The following DEK variants were observed in gnomAD, a reference collection of about 807,000 sequenced individuals.
DEK encodes protein DEK.
Under a neutral mutation model 46.8 loss-of-function variants are expected in DEK, and 28 were observed. That is an observed-to-expected ratio of 0.60 (90% confidence interval 0.44 to 0.82). The LOEUF is 0.82. DEK is among the 40% of genes least tolerant of loss of function. The probability of loss-of-function intolerance (pLI) is 0.00; values close to 1 mark genes in which losing one functional copy is unlikely to be tolerated. For missense variants in DEK, 416 were observed against 430.6 expected, an observed-to-expected ratio of 0.97 and a Z score of 0.30; for synonymous variants, 160 against 144.5, an observed-to-expected ratio of 1.11 and a Z score of -0.77.
chr6:18,253,641 T>C (rs545741879), intron 6 of DEK, among the ~76,000 whole-genome samples: 52 of 152,222 alleles, frequency 3.4e-4, no homozygotes, highest in Non-Finnish European at 7.1e-4. Context: ...TGGTATTGTA[T>C]GGTATCAAAA....
intron 6 of DEK, among the ~76,000 whole-genome samples, chr6:18,251,757 T>G (rs1428580858): frequency 6.6e-6 from 1 of 152,184 alleles, no homozygotes; most frequent in African/African-American, 2.4e-5. Context: ...AGGTCTCAAA[T>G]GTATTAGAAA....
At position 18,249,838 on chromosome 6, in the gene DEK, G is replaced by A. The variant is rs753552037; in HGVS notation, c.575C>T (p.Pro192Leu). The change falls in exon 7 of 11, where the codon CCA becomes CTA. Residue 192 changes from proline to leucine, a missense_variant and splice_region_variant. Transcript: ENST00000652689. ...FLMHPKPSGK[P>L]LPKSKKTCSK... ...ACAAGTTTTTTTAGATTTCGGCAAT[G>A]GCTGCATAAAAATTTATAAAGATAA... 11 of 1,588,584 alleles carry A rather than the reference G, an allele frequency of 6.9e-6. No individual in the cohort carries two copies. The South Asian group carries it at 1.3e-4, about 19-fold the overall frequency.
chr6:18,226,076 ATTTAGTGACATGAATATTT>A, intron 10 of DEK, 79 bp downstream of exon 10: 1 of 987,418 alleles, frequency 1.0e-6, no homozygotes. Flanking sequence ...CAAATGTGAT[ATTTAGTGACATGAATATTT>A]TGAAAAATAT....
Position 18,233,791 on chromosome 6 carries a change from T to C in DEK, c.1047+2661A>G, listed in dbSNP as rs1356376031. 5.9e-5 allele frequency among the ~76,000 whole-genome samples: 9 copies of C among 152,162 alleles called. No homozygotes were observed. The East Asian group carries it at 1.7e-3, about 29-fold the overall frequency. On this transcript the variant is annotated intron_variant, in intron 9 of 10. Transcript: ENST00000652689. ...ACCATTGTGGAAGACAGTGTGGCGA[T>C]TCCTCAAGGATCTAGAACCAGAAAT...
intron 9 of DEK, among the ~76,000 whole-genome samples, chr6:18,231,760 T>A (rs1354551390): frequency 6.6e-6 from 1 of 152,154 alleles, no homozygotes; most frequent in Non-Finnish European, 1.5e-5. Flanking sequence ...ACCAGATGGA[T>A]TCACAGCTGA....
rs563749008 is a variant in DEK, at chr6:18,226,675, G to A, written c.1048-433C>T. ...CATGCCTGTAATCCCAGCTACTGAG[G>A]AGGGTGAAGCAGGAGGATGGCTTGG... On this transcript the variant is annotated intron_variant, in intron 9 of 10. Transcript: ENST00000652689. 5.4e-4 allele frequency among the ~76,000 whole-genome samples: 83 copies of A among 152,350 alleles called. 2 individuals carry two copies. Among genetic ancestry groups the A allele is most frequent in the Admixed American group, 6.5e-4 (10 of 15,300 alleles).
chr6:18,249,518 T>C, intron 7 of DEK, 133 bp downstream of exon 7: 2 of 1,331,016 alleles, frequency 1.5e-6, no homozygotes, highest in Non-Finnish European at 2.0e-6. Context: ...AATGGGTTCA[T>C]ACTTAATCAT....
chr6:18,251,477 G>A (rs1791371834), intron 6 of DEK, among the ~76,000 whole-genome samples: 1 of 152,156 alleles, frequency 6.6e-6, no homozygotes, highest in African/African-American at 2.4e-5. Context: ...AACCTAGATT[G>A]CTCCAACAAC....
At chr6:18,234,234 T>C (rs996535645) in intron 9 of DEK, among the ~76,000 whole-genome samples, 2 of 151,614 alleles carry the variant, frequency 1.3e-5, no homozygotes, top group Non-Finnish European at 2.9e-5. Context: ...ATACACCTAA[T>C]GTAAATGACC....
At chr6:18,248,868 T>C (rs150127645) in intron 7 of DEK, among the ~76,000 whole-genome samples, 5 of 152,320 alleles carry the variant, frequency 3.3e-5, no homozygotes, top group African/African-American at 9.6e-5. Flanking sequence ...AAATGTCAAG[T>C]TGACATTATC....
Position 18,229,666 on chromosome 6 carries a change from G to A in DEK, c.1048-3424C>T, listed in dbSNP as rs13437466. Among the ~76,000 whole-genome samples the A allele has an allele frequency of 2.2e-3, 340 of 152,248 alleles. 1 individual carries two copies. The highest frequency in any genetic ancestry group is 7.5e-3 in the African/African-American group (310 of 41,554). On this transcript the variant is annotated intron_variant, in intron 9 of 10. Coordinates refer to ENST00000652689, the MANE Select transcript of DEK (RefSeq NM_003472.4). ...AAATGAATGAAATGAAGCGAGAAGA[G>A]AAGTCTGGAGAAAAAAGAGTAAAAA...
At chr6:18,242,780 T>C (rs1204629077) in intron 7 of DEK, among the ~76,000 whole-genome samples, 1 of 152,070 alleles carries the variant, frequency 6.6e-6, no homozygotes, top group African/African-American at 2.4e-5. Context: ...ATAAAGTGGG[T>C]TCTTTTAAGT....
intron 7 of DEK, among the ~76,000 whole-genome samples, chr6:18,239,716 T>C (rs1790823689): frequency 6.6e-6 from 1 of 152,184 alleles, no homozygotes; most frequent in African/African-American, 2.4e-5. Context: ...TCCTAAGAGA[T>C]GTTCTAGATG....
intron 10 of DEK, 30 bp downstream of exon 10, chr6:18,226,144 A>C: frequency 1.6e-6 from 2 of 1,268,784 alleles, no homozygotes; most frequent in Non-Finnish European, 2.1e-6. Context: ...TATATTTCTA[A>C]AGTCAAACTT....
chr6:18,261,089 C>A (rs954798903), intron 2 of DEK, among the ~76,000 whole-genome samples: 1 of 151,798 alleles, frequency 6.6e-6, no homozygotes, highest in East Asian at 1.9e-4. Flanking sequence ...GCTCTATTGG[C>A]TAGTGGAGCT....
chr6:18,231,365 G>C (rs1040725324), intron 9 of DEK, among the ~76,000 whole-genome samples: 1 of 152,016 alleles, frequency 6.6e-6, no homozygotes, highest in Non-Finnish European at 1.5e-5. Context: ...AAATAACTAA[G>C]ATCAGAGCAG....
At chr6:18,232,744 C>G (rs1479473482) in intron 9 of DEK, among the ~76,000 whole-genome samples, 2 of 152,162 alleles carry the variant, frequency 1.3e-5, no homozygotes, top group Non-Finnish European at 2.9e-5. Context: ...ATTCCATGCT[C>G]AAGGATTGGA....
chr6:18,261,901 G>A (rs912772649), intron 2 of DEK, among the ~76,000 whole-genome samples: 1 of 152,150 alleles, frequency 6.6e-6, no homozygotes, highest in African/African-American at 2.4e-5. Flanking sequence ...GAGAGTTGGG[G>A]GACCGGGGGT....
chr6:18,258,409 G>A lies in DEK; in HGVS notation c.146-4C>T. ...CCTTCCACGATGAGACTCTTTTCTA[G>A]AAATTAATTTAGTATTTCTTAATTA... is the stretch of plus-strand genomic sequence containing the variant. On this transcript the variant is annotated splice_polypyrimidine_tract_variant and splice_region_variant and intron_variant, in intron 2 of 10. Transcript: ENST00000652689. The A allele has an allele frequency of 6.2e-7, 1 of 1,600,446 alleles. No individual in the cohort carries two copies. The highest frequency in any genetic ancestry group is 1.7e-5 in the Admixed American group (1 of 59,234).
Sources: gnomAD v4.1 joint callset for allele counts (sites outside exome capture counted in the v4.1 genomes callset) on GRCh38, gnomAD v4.1.1 for gene constraint, MANE v1.5 for transcripts, NCBI Gene and HGNC (gene_info 2026-07-23, HGNC 2026-07-21) for gene names.